HTT: variants seen among roughly 807,000 people sequenced by gnomAD.
The protein encoded by HTT is huntington disease protein.
HTT carries 104 observed loss-of-function variants against 362.3 expected under a neutral mutation model. That is an observed-to-expected ratio of 0.29 (90% CI 0.24 to 0.34). The LOEUF is 0.34. Among genes scored for constraint, HTT ranks in the 10% least tolerant of loss-of-function variants. The probability of loss-of-function intolerance (pLI) is 1.00; values close to 1 mark genes in which losing one functional copy is unlikely to be tolerated. For missense variants in HTT, 3,301 were observed against 3,928.6 expected (o/e 0.84, Z 4.27); for synonymous variants, 1,577 against 1,548.7 (o/e 1.02, Z -0.43).
At chr4:3,194,071 T>C in intron 40 of HTT, among the ~76,000 whole-genome samples, 1 of 152,246 alleles carries the variant, frequency 6.6e-6, no homozygotes, top group East Asian at 1.9e-4. Flanking sequence ...CTCGTGTTTT[T>C]ATATAAGTAA....
chr4:3,078,991 T>C (rs1428929067), intron 1 of HTT, among the ~76,000 whole-genome samples: 1 of 152,098 alleles, frequency 6.6e-6, no homozygotes, highest in Non-Finnish European at 1.5e-5. Flanking sequence ...GACCTTGTGA[T>C]CCGCCCACCT....
intron 29 of HTT, among the ~76,000 whole-genome samples, chr4:3,163,254 C>T (rs1250833801): frequency 6.6e-6 from 1 of 152,206 alleles, no homozygotes; most frequent in Non-Finnish European, 1.5e-5. Flanking sequence ...GTTGAACCAG[C>T]CTTGCATTCC....
intron 40 of HTT, among the ~76,000 whole-genome samples, chr4:3,190,869 T>G (rs1439728060): frequency 6.6e-6 from 1 of 152,230 alleles, no homozygotes; most frequent in Non-Finnish European, 1.5e-5. Flanking sequence ...GAAGCCTAGT[T>G]CTAGGGGATA....
chr4:3,078,888 C>T (rs1712719784), intron 1 of HTT, among the ~76,000 whole-genome samples: 1 of 152,198 alleles, frequency 6.6e-6, no homozygotes, highest in Non-Finnish European at 1.5e-5. Flanking sequence ...GCGCCTGCCA[C>T]CACGTCCAGC....
intron 29 of HTT, among the ~76,000 whole-genome samples, chr4:3,170,411 G>A (rs1397561184): frequency 2.6e-5 from 4 of 152,030 alleles, no homozygotes; most frequent in African/African-American, 4.8e-5. Context: ...TTTCCAGTCC[G>A]CCTGCTGAGA....
chr4:3,119,663 T>TA (rs908775094), intron 8 of HTT, among the ~76,000 whole-genome samples: 23 of 152,242 alleles, frequency 1.5e-4, no homozygotes, highest in Non-Finnish European at 2.5e-4. Flanking sequence ...TAAATAGTGT[T>TA]ACCTAGGAGC....
At chr4:3,193,754 A>G (rs891155866) in intron 40 of HTT, among the ~76,000 whole-genome samples, 2 of 152,214 alleles carry the variant, frequency 1.3e-5, no homozygotes, top group Admixed American at 1.3e-4. Context: ...AATTTTATTT[A>G]ATTTTAATTA....
At chr4:3,212,818 G>C (rs897158881) in intron 49 of HTT, 109 bp downstream of exon 49, 3 of 1,171,492 alleles carry the variant, frequency 2.6e-6, no homozygotes, top group Non-Finnish European at 3.7e-6. Flanking sequence ...GACCAGTCCA[G>C]TCACTTTTCC....
chr4:3,172,203 C>T, intron 29 of HTT, 117 bp from the exon 30 acceptor site: 1 of 720,116 alleles, frequency 1.4e-6, no homozygotes, highest in South Asian at 1.6e-5. Context: ...CTCTGATTTT[C>T]CTCTACTATT....
At chr4:3,199,534 C>G (rs1220437895) in intron 40 of HTT, among the ~76,000 whole-genome samples, 198 bp from the exon 41 acceptor site, 1 of 147,434 alleles carries the variant, frequency 6.8e-6, no homozygotes, top group Non-Finnish European at 1.5e-5. Context: ...GAGCAAAACT[C>G]TATCTCAAAA....
chr4:3,136,084 T>A, intron 20 of HTT, 117 bp downstream of exon 20: 1 of 924,264 alleles, frequency 1.1e-6, no homozygotes, highest in Non-Finnish European at 1.7e-6. Context: ...TTTCACAGTT[T>A]ATATCATGAA....
At chr4:3,185,151 AGAG>A (rs1456330268) in intron 37 of HTT, among the ~76,000 whole-genome samples, 3 of 152,196 alleles carry the variant, frequency 2.0e-5, no homozygotes, top group Non-Finnish European at 4.4e-5. Context: ...GGCAGTAGCC[AGAG>A]GAGGAGAGGA....
intron 2 of HTT, 135 bp from the exon 3 acceptor site, chr4:3,099,139 T>C: frequency 1.7e-6 from 1 of 599,574 alleles, no homozygotes; most frequent in African/African-American, 1.9e-5. Context: ...CAGACTTTAT[T>C]CAGATTTTCT....
rs769961683 is a variant in HTT, at chr4:3,127,553, C to T, written c.1692C>T (p.Thr564=). Reference sequence around the variant, plus strand: ...CGCCCATCAGCGACAGCTCCCAGACCACCACCGAAGGGCCTGATTCAGCTG... The same window carrying T: ...CGCCCATCAGCGACAGCTCCCAGACTACCACCGAAGGGCCTGATTCAGCTG... ...ASSPISDSSQ[T]TTEGPDSAVT... Residue 564 remains threonine (T), a synonymous_variant, in exon 12 of 67, where the codon ACC becomes ACT. Transcript: ENST00000355072. 3.1e-6 allele frequency: 5 copies of T among 1,614,098 alleles called. No individual in the cohort carries two copies. Among genetic ancestry groups the T allele is most frequent in the Non-Finnish European group, 3.4e-6 (4 of 1,179,950 alleles).
At chr4:3,225,879 A>G in intron 57 of HTT, 136 bp downstream of exon 57, 1 of 639,100 alleles carries the variant, frequency 1.6e-6, no homozygotes, top group South Asian at 2.0e-5. Context: ...AAAAAATTTA[A>G]TGTTCATTGT....
At chr4:3,160,834 C>A (rs537179651) in intron 29 of HTT, among the ~76,000 whole-genome samples, 14 of 152,248 alleles carry the variant, frequency 9.2e-5, no homozygotes, top group African/African-American at 2.6e-4. Context: ...ACTTATCTCA[C>A]AGAAAGTCAG....
At chr4:3,169,986 T>A (rs1219125300) in intron 29 of HTT, among the ~76,000 whole-genome samples, 1 of 152,246 alleles carries the variant, frequency 6.6e-6, no homozygotes, top group Non-Finnish European at 1.5e-5. Flanking sequence ...TTGTAATAAC[T>A]GTTTTAATAT....
Position 3,087,005 on chromosome 4 carries a change from A to G in HTT, c.330A>G (p.Ile110Met), listed in dbSNP as rs1279841426. ...ATTGTCTGACAATATGTGAAAACAT[A>G]GTGGCACAGTCTGTCAGGTAATTGC... Reference protein sequence around the residue: ...VNHCLTICENIVAQSVRNSPE... With the variant: ...VNHCLTICENMVAQSVRNSPE... Residue 110 changes from isoleucine (I) to methionine (M), a missense_variant, in exon 2 of 67, where the codon ATA (isoleucine) becomes ATG (methionine). Ile to Met is a conservative substitution (Grantham distance 10). Coordinates refer to ENST00000355072, the MANE Select transcript of HTT (RefSeq NM_001388492.1). 2 of 1,597,750 alleles carry G rather than the reference A, an allele frequency of 1.3e-6. No homozygotes were observed. Among genetic ancestry groups the G allele is most frequent in the South Asian group, 2.2e-5 (2 of 90,562 alleles).
At position 3,132,643 on chromosome 4, in the gene HTT, G is replaced by C; in HGVS notation, c.2318G>C (p.Gly773Ala). The change falls in exon 17 of 67, where the codon GGG becomes GCG. Residue 773 changes from glycine to alanine, a missense_variant. Physicochemically the swap from Gly to Ala is moderately conservative, Grantham distance 60. Around this residue, in one of 4 missense-constraint regions of HTT, gnomAD observed 2,316 missense variants for 2,658.5 expected, o/e 0.87. Coordinates refer to ENST00000355072, the MANE Select transcript of HTT (RefSeq NM_001388492.1). The stretch of plus-strand genomic sequence containing the variant: ...CGAGGAGCCACTGCCATTCTCTGTG[G>C]GACCCTCATCTGCTCCATCCTCAGC... The part of the protein sequence containing the change: ...QVRGATAILC[G>A]TLICSILSRS... The C allele has an allele frequency of 2.5e-6, 4 of 1,614,080 alleles. No individual in the cohort carries two copies. Among genetic ancestry groups the C allele is most frequent in the Non-Finnish European group, 3.4e-6 (4 of 1,179,958 alleles).
Sources: allele counts gnomAD v4.1 joint callset (sites outside exome capture counted in the v4.1 genomes callset), GRCh38; gene constraint gnomAD v4.1.1; regional missense constraint gnomAD v4.1.1; transcripts MANE v1.5; gene names NCBI Gene and HGNC (gene_info 2026-07-23, HGNC 2026-07-21).